Variants in NEDD4 observed in about 807,000 individuals in gnomAD.
The protein encoded by NEDD4 is NEDD4 E3 ubiquitin protein ligase.
In NEDD4, 99 loss-of-function variants were observed where a neutral mutation model predicts 144.9. The ratio of observed to expected loss-of-function variants is 0.68; its 90% CI spans 0.58 to 0.81. The LOEUF (loss-of-function observed/expected upper bound fraction) is 0.81, where lower values mean the gene tolerates loss of function less well. Among genes scored for constraint, NEDD4 ranks in the 30% least tolerant of loss-of-function variants. The pLI, the probability that NEDD4 is intolerant of heterozygous loss-of-function variation, is 0.00. For synonymous variants in NEDD4, 318 were observed against 350.6 expected (o/e 0.91, Z 1.04); for missense variants, 985 against 1,065.9 (o/e 0.92, Z 1.06).
At chr15:55,832,802 C>T (rs760950613) in intron 27 of NEDD4, among the ~76,000 whole-genome samples, 3 of 152,106 alleles carry the variant, frequency 2.0e-5, no homozygotes, top group Non-Finnish European at 2.9e-5. Context: ...TTTGATGTTT[C>T]CAGTTTTCCC....
intron 5 of NEDD4, among the ~76,000 whole-genome samples, chr15:55,875,436 A>G (rs1315886605): frequency 1.2e-4 from 19 of 152,110 alleles, no homozygotes; most frequent in African/African-American, 4.6e-4. Context: ...TTAGCCACAC[A>G]GGTAGCTGGG....
chr15:55,920,621 A>G (rs1448036013), intron 5 of NEDD4, among the ~76,000 whole-genome samples: 1 of 152,226 alleles, frequency 6.6e-6, no homozygotes, highest in East Asian at 1.9e-4. Flanking sequence ...TTTCCAGATG[A>G]CTAAAGTTGT....
At chr15:55,869,793 T>G (rs2034711373) in intron 7 of NEDD4, 112 bp from the exon 8 acceptor site, 2 of 648,858 alleles carry the variant, frequency 3.1e-6, no homozygotes, top group Admixed American at 6.0e-5. Context: ...CAAAGGGAGG[T>G]TCAAAGACAA....
At chr15:55,839,762 G>A (rs1274459343) in intron 21 of NEDD4, among the ~76,000 whole-genome samples, 1 of 151,474 alleles carries the variant, frequency 6.6e-6, no homozygotes, top group Non-Finnish European at 1.5e-5. Flanking sequence ...CGGATAACGA[G>A]GTCAAAAGAC....
chr15:55,967,912 G>T (rs72734363), intron 1 of NEDD4, among the ~76,000 whole-genome samples: 22,657 of 151,920 alleles, frequency 0.15, 1,829 homozygotes, highest in East Asian at 0.32. Flanking sequence ...ACTAGAGAGG[G>T]TGAGGCAGGA....
At chr15:55,945,974 A>G (rs1442717752) in intron 4 of NEDD4, among the ~76,000 whole-genome samples, 1 of 152,204 alleles carries the variant, frequency 6.6e-6, no homozygotes. Flanking sequence ...TGTCACCACC[A>G]GGCCTGCCTT....
intron 1 of NEDD4, among the ~76,000 whole-genome samples, chr15:55,972,123 A>G (rs2037621056): frequency 6.6e-6 from 1 of 152,360 alleles, no homozygotes; most frequent in Admixed American, 6.5e-5. Context: ...AAGAAATGCT[A>G]AAGGGTGTCC....
chr15:55,917,089 G>T, intron 5 of NEDD4: 5 of 1,209,284 alleles, frequency 4.1e-6, no homozygotes, highest in Non-Finnish European at 5.1e-6. Context: ...CACTTACAAA[G>T]CACTTGATTT....
chr15:55,907,593 A>G (rs2036141477), intron 5 of NEDD4, among the ~76,000 whole-genome samples: 1 of 152,182 alleles, frequency 6.6e-6, no homozygotes, highest in Admixed American at 6.5e-5. Flanking sequence ...ATTTGCTTTG[A>G]AGACGACTTG....
chr15:55,870,301 G>T (rs539728234), intron 7 of NEDD4, among the ~76,000 whole-genome samples: 1 of 152,262 alleles, frequency 6.6e-6, no homozygotes, highest in African/African-American at 2.4e-5. Flanking sequence ...GATGACAGAA[G>T]AGTAGAGGGC....
intron 1 of NEDD4, among the ~76,000 whole-genome samples, chr15:55,976,700 C>G (rs530868747): frequency 6.7e-6 from 1 of 149,940 alleles, no homozygotes; most frequent in African/African-American, 2.5e-5. Context: ...TGCAATCTCA[C>G]TTCACTGCAA....
intron 1 of NEDD4, among the ~76,000 whole-genome samples, chr15:55,979,373 G>C (rs1267300770): frequency 2.6e-5 from 3 of 113,954 alleles, no homozygotes; most frequent in Non-Finnish European, 5.0e-5. Context: ...TTGAGACGGA[G>C]TCTCGCTCTG....
intron 5 of NEDD4, among the ~76,000 whole-genome samples, chr15:55,893,210 G>C (rs4774229): frequency 1.3e-5 from 2 of 151,868 alleles, no homozygotes; most frequent in Non-Finnish European, 2.9e-5. Context: ...ATTTGTATTA[G>C]TATCTTAATC....
rs540957400 is a variant in NEDD4, at chr15:55,904,955, G to A, written c.291+19691C>T. 3.3e-5 allele frequency among the ~76,000 whole-genome samples: 5 copies of A among 151,938 alleles called. No individual in the cohort carries two copies. The South Asian group carries it at 6.2e-4, about 19-fold the overall frequency. ...TAAAAATACAAAATTAGCCGGGTAC[G>A]GTGGCACATGCCTGTAATCCCAGCT... On this transcript the variant is annotated intron_variant, in intron 5 of 28. Coordinates refer to ENST00000435532, the MANE Select transcript of NEDD4 (RefSeq NM_006154.4).
chr15:55,905,002 G>C (rs2036039667), intron 5 of NEDD4, among the ~76,000 whole-genome samples: 1 of 151,078 alleles, frequency 6.6e-6, no homozygotes, highest in African/African-American at 2.4e-5. Flanking sequence ...TGAGGAAGGA[G>C]AATTGCTTGA....
intron 5 of NEDD4, among the ~76,000 whole-genome samples, chr15:55,879,189 C>CAGT (rs2035097567): frequency 6.6e-6 from 1 of 151,904 alleles, no homozygotes; most frequent in Non-Finnish European, 1.5e-5. Context: ...TTTACATGAA[C>CAGT]AGTAAAAGAA....
intron 2 of NEDD4, among the ~76,000 whole-genome samples, chr15:55,960,586 C>A (rs751779057): frequency 6.6e-6 from 1 of 152,146 alleles, no homozygotes; most frequent in Non-Finnish European, 1.5e-5. Flanking sequence ...TTCCTTGCTC[C>A]GCAGCTTGCA....
chr15:55,916,637 G>T lies in NEDD4; in HGVS notation c.291+8009C>A, dbSNP rs80077833. Reference sequence around the variant, plus strand: ...CAGATGATCTTTCTTGAGACTGAACGTTTTCCTTTATTAACGGAGCTAGTG... The same window carrying T: ...CAGATGATCTTTCTTGAGACTGAACTTTTTCCTTTATTAACGGAGCTAGTG... On this transcript the variant is annotated intron_variant, in intron 5 of 28. Coordinates refer to ENST00000435532, the MANE Select transcript of NEDD4 (RefSeq NM_006154.4). 3.9e-4 allele frequency: 623 copies of T among 1,613,962 alleles called. 2 individuals are homozygous for T. The African/African-American group carries it at 7.8e-3, about 20-fold the overall frequency.
At position 55,842,115 on chromosome 15, in the gene NEDD4, G is replaced by T. The variant is rs138764182; in HGVS notation, c.1657C>A (p.Leu553Ile). The change falls in exon 19 of 29, where the codon CTT becomes ATT. Residue 553 changes from leucine (L) to isoleucine (I), a missense_variant. Transcript: ENST00000435532. ...FEMKLRRATV[L>I]EDSYRRIMGV... Reference sequence around the variant, plus strand: ...ATAATTCTCCGGTAAGAGTCTTCAAGAACAGTTGCTCGGCGAAGTTTCATT... The same window carrying T: ...ATAATTCTCCGGTAAGAGTCTTCAATAACAGTTGCTCGGCGAAGTTTCATT... 151 of 1,614,148 alleles carry T rather than the reference G, an allele frequency of 9.4e-5. No homozygotes were observed. In the African/African-American group the frequency reaches 1.7e-3, roughly 18 times the overall value.
Sources: gnomAD v4.1 joint callset for allele counts (sites outside exome capture counted in the v4.1 genomes callset) on GRCh38, gnomAD v4.1.1 for gene constraint, MANE v1.5 for transcripts, NCBI Gene and HGNC (gene_info 2026-07-23, HGNC 2026-07-21) for gene names.